The following SERPINB12 variants were observed in gnomAD, a reference collection of about 807,000 sequenced individuals.
SERPINB12 encodes serpin family B member 12.
A neutral mutation model predicts 41.1 loss-of-function variants in SERPINB12; 57 were observed. The ratio of observed to expected loss-of-function variants is 1.39; its 90% CI spans 1.12 to 1.73. The LOEUF is 1.73. Among genes scored for constraint, SERPINB12 ranks in the 40% most tolerant of loss-of-function variants. SERPINB12 has a pLI of 0.00. For missense variants in SERPINB12, 536 were observed against 501.9 expected (o/e 1.07, Z -0.65); for synonymous variants, 180 against 181.3 (o/e 0.99, Z 0.06).
chr18:63,563,781 A>G (rs1910993804), intron 5 of SERPINB12, among the ~76,000 whole-genome samples, 197 bp from the exon 6 acceptor site: 1 of 152,022 alleles, frequency 6.6e-6, no homozygotes, highest in Admixed American at 6.6e-5. Context: ...CTGTAATCCC[A>G]GTTACTCTGG....
intron 1 of SERPINB12, among the ~76,000 whole-genome samples, chr18:63,547,290 T>A (rs148737287): frequency 3.3e-5 from 5 of 152,192 alleles, no homozygotes; most frequent in African/African-American, 1.2e-4. Flanking sequence ...TATCTTTTAA[T>A]GAATTATTTC....
intron 1 of SERPINB12, among the ~76,000 whole-genome samples, chr18:63,552,847 A>G (rs1226417733): frequency 1.3e-5 from 2 of 152,168 alleles, no homozygotes; most frequent in South Asian, 2.1e-4. Flanking sequence ...TGGTTAGCAG[A>G]TGACATTTTA....
Position 63,565,655 on chromosome 18 carries a change from G to A in SERPINB12, c.873+43G>A, listed in dbSNP as rs1479191776. ...CATCTCTACAAAATATTTAATGATA[G>A]ATCTTTAGAGAACAACACTGTCTAC... On this transcript the variant is annotated intron_variant, in intron 7 of 7. Transcript: ENST00000382768. 3.2e-6 allele frequency: 5 copies of A among 1,545,624 alleles called. No homozygotes were observed. The Admixed American group carries it at 9.2e-5, about 28-fold the overall frequency.
chr18:63,524,754 CTT>C, the SERPINB12 span, among the ~76,000 whole-genome samples: 3 of 138,504 alleles, frequency 2.2e-5, no homozygotes, highest in Admixed American at 7.2e-5. Context: ...TTTCCCTTTC[CTT>C]TTTTTTTTTT....
chr18:63,549,748 G>T (rs1910477905), intron 1 of SERPINB12, among the ~76,000 whole-genome samples: 1 of 152,174 alleles, frequency 6.6e-6, no homozygotes, highest in African/African-American at 2.4e-5. Context: ...GTGCTAGGAG[G>T]TCCTTTCTAC....
chr18:63,539,198 C>A (rs1278389820), upstream of SERPINB12, among the ~76,000 whole-genome samples: 1 of 152,114 alleles, frequency 6.6e-6, no homozygotes, highest in Non-Finnish European at 1.5e-5. Context: ...CTATCACTGG[C>A]AACCATAGCC....
chr18:63,564,211 C>A, intron 6 of SERPINB12, 91 bp downstream of exon 6: 3 of 1,328,918 alleles, frequency 2.3e-6, no homozygotes, highest in South Asian at 1.5e-5. Flanking sequence ...AAAGTTACAG[C>A]TTACATTTAC....
the SERPINB12 span, among the ~76,000 whole-genome samples, chr18:63,524,639 C>T: frequency 6.6e-6 from 1 of 151,998 alleles, no homozygotes; most frequent in Non-Finnish European, 1.5e-5. Context: ...GCAACGTGCT[C>T]AGAACTTCTA....
At chr18:63,542,555 G>T (rs190770574) in intron 1 of SERPINB12, among the ~76,000 whole-genome samples, 63 bp downstream of exon 1, 1 of 152,286 alleles carries the variant, frequency 6.6e-6, no homozygotes, top group African/African-American at 2.4e-5. Context: ...TAGTTGTCCT[G>T]GTAGTGAAGC....
intron 5 of SERPINB12, 106 bp from the exon 6 acceptor site, chr18:63,563,872 G>A (rs111848852): frequency 0.055 from 59,439 of 1,086,784 alleles, 2,019 homozygotes; most frequent in Non-Finnish European, 0.065. Flanking sequence ...CTCCAGCCTG[G>A]GAGACAAGAG....
At chr18:63,549,004 GA>G (rs1454857959) in intron 1 of SERPINB12, among the ~76,000 whole-genome samples, 1 of 151,946 alleles carries the variant, frequency 6.6e-6, no homozygotes, top group Non-Finnish European at 1.5e-5. Flanking sequence ...TAAAAACTGG[GA>G]AGCTAATTTA....
intron 1 of SERPINB12, among the ~76,000 whole-genome samples, chr18:63,544,777 G>A (rs978535833): frequency 1.3e-5 from 2 of 151,968 alleles, no homozygotes; most frequent in African/African-American, 4.8e-5. Flanking sequence ...CTCTTTTTAT[G>A]TGTTATAAGA....
chr18:63,534,160 A>T, the SERPINB12 span, among the ~76,000 whole-genome samples: 1 of 152,256 alleles, frequency 6.6e-6, no homozygotes, highest in East Asian at 1.9e-4. Context: ...AAAATTCCTC[A>T]CCAATATTTT....
chr18:63,558,577 A>G (rs1001524627), intron 3 of SERPINB12, 91 bp downstream of exon 3: 14 of 1,362,544 alleles, frequency 1.0e-5, no homozygotes, highest in African/African-American at 1.5e-5. Flanking sequence ...GCTTATCCCC[A>G]AATATTAGAC....
the SERPINB12 span, among the ~76,000 whole-genome samples, chr18:63,525,648 GA>G: frequency 6.6e-6 from 1 of 151,972 alleles, no homozygotes; most frequent in Non-Finnish European, 1.5e-5. Context: ...CAAATTACAT[GA>G]AAAGTTTATT....
At chr18:63,533,198 G>A in the SERPINB12 span, among the ~76,000 whole-genome samples, 5 of 152,068 alleles carry the variant, frequency 3.3e-5, no homozygotes. Flanking sequence ...GGCTGGTCTG[G>A]AACCCCTAAC....
chr18:63,561,357 A>C (rs1910904590), intron 5 of SERPINB12, among the ~76,000 whole-genome samples, 155 bp downstream of exon 5: 1 of 152,238 alleles, frequency 6.6e-6, no homozygotes, highest in African/African-American at 2.4e-5. Flanking sequence ...ATACCATCTC[A>C]CACCAGTCAG....
chr18:63,531,490 G>A, the SERPINB12 span, among the ~76,000 whole-genome samples: 1 of 152,112 alleles, frequency 6.6e-6, no homozygotes, highest in African/African-American at 2.4e-5. Context: ...GGAAAGATAC[G>A]GGTTTGAGTT....
At chr18:63,537,845 C>T (rs1200850261), upstream of SERPINB12, among the ~76,000 whole-genome samples, 1 of 152,098 alleles carries the variant, frequency 6.6e-6, no homozygotes, top group African/African-American at 2.4e-5. Context: ...AGTCTTTGCA[C>T]TTGGAGATGA....
Sources: allele counts gnomAD v4.1 joint callset (sites outside exome capture counted in the v4.1 genomes callset), GRCh38; gene constraint gnomAD v4.1.1; transcripts MANE v1.5; gene names NCBI Gene and HGNC (gene_info 2026-07-23, HGNC 2026-07-21).